HEPH: variants seen among roughly 807,000 people sequenced by gnomAD.
The protein encoded by HEPH is hephaestin.
Under a neutral mutation model 80.8 loss-of-function variants are expected in HEPH, and 69 were observed. The ratio of observed to expected loss-of-function variants is 0.85; its 90% CI spans 0.70 to 1.04. HEPH has a LOEUF of 1.04. HEPH is among the 50% of genes least tolerant of loss of function. HEPH has a pLI of 0.00. For synonymous variants in HEPH, 431 were observed against 322.8 expected, an observed-to-expected ratio of 1.34 and a Z score of -3.60; for missense variants, 1,115 against 891.3, an observed-to-expected ratio of 1.25 and a Z score of -3.20.
chrX:66,198,819 T>C lies in HEPH; in HGVS notation c.1714-59T>C, dbSNP rs770085082. On this transcript the variant is annotated intron_variant, in intron 10 of 20. Transcript: ENST00000343002. ...CATCCCTTGATCTGTAACGACACAG[T>C]CTACAACTGCTGAAACTATTGTCAT... is the stretch of plus-strand genomic sequence containing the variant. 3.5e-5 allele frequency: 33 copies of C among 933,205 alleles called. No individual in the cohort carries two copies. In the African/African-American group the frequency reaches 5.0e-4, roughly 14 times the overall value. 76.9% of individuals were successfully genotyped at this position (933,205 alleles called of 1,213,427 possible). A position where few individuals can be genotyped will look rare whatever the true frequency, so the allele number is the denominator to read the frequency against.
rs982355234 is a variant in HEPH at position 66,175,000 on chromosome X, G to A, written c.625+1199G>A. On this transcript the variant is annotated intron_variant, in intron 4 of 20. Coordinates refer to ENST00000343002, the MANE Select transcript of HEPH (RefSeq NM_001367233.3). ...TACTCTGTTGACTGTTCCTGTTGGC[G>A]TGCAAAAACTCTTTAGTTTAATTAA... Among the ~76,000 whole-genome samples, 12 of 111,373 alleles carry A rather than the reference G, an allele frequency of 1.1e-4. No homozygotes were observed. The East Asian group carries it at 1.4e-3, about 13-fold the overall frequency.
At chrX:66,233,784 C>T (rs1438570770) in intron 15 of HEPH, among the ~76,000 whole-genome samples, 4 of 110,570 alleles carry the variant, frequency 3.6e-5, no homozygotes, top group Non-Finnish European at 5.7e-5. Flanking sequence ...ATCAAGGCAT[C>T]CATCAAATTT....
chrX:66,265,356 G>A (rs145097410), intron 20 of HEPH, among the ~76,000 whole-genome samples: 1 of 110,668 alleles, frequency 9.0e-6, no homozygotes, highest in East Asian at 2.8e-4. Flanking sequence ...AAAAGGGCAA[G>A]CAATAATAAC....
chrX:66,251,723 G>A (rs1034210115), intron 15 of HEPH, among the ~76,000 whole-genome samples: 12 of 111,733 alleles, frequency 1.1e-4, no homozygotes, highest in African/African-American at 3.9e-4. Context: ...AACTGCAAGT[G>A]TAAATACCTT....
At chrX:66,202,702 G>A (rs2088526089) in intron 12 of HEPH, among the ~76,000 whole-genome samples, 2 of 109,658 alleles carry the variant, frequency 1.8e-5, no homozygotes, top group South Asian at 3.9e-4. Flanking sequence ...ACTCATCAAT[G>A]TTTTTCTTGG....
chrX:66,189,815 A>C lies in HEPH; in HGVS notation c.940A>C (p.Thr314Pro). 1 of 1,211,122 alleles carries C rather than the reference A, an allele frequency of 8.3e-7. No homozygotes were observed. The highest frequency in any genetic ancestry group is 1.1e-6 in the Non-Finnish European group (1 of 895,306). The change falls in exon 6 of 21, where the codon ACT becomes CCT. Residue 314 changes from threonine to proline, a missense_variant. Thr to Pro is a conservative substitution (Grantham distance 38). Transcript: ENST00000343002. ...AGCATTTTTCCATGGACAGATGCTGACTACCCGTGGACACCACACTGATGT... is the reference window on the plus strand; with the variant it reads ...AGCATTTTTCCATGGACAGATGCTGCCTACCCGTGGACACCACACTGATGT... Reference protein sequence around the residue: ...HTAFFHGQMLTTRGHHTDVAN... With the variant: ...HTAFFHGQMLPTRGHHTDVAN...
intron 15 of HEPH, among the ~76,000 whole-genome samples, chrX:66,235,750 T>A (rs2090334447): frequency 8.9e-6 from 1 of 112,256 alleles, no homozygotes; most frequent in Admixed American, 9.5e-5. Context: ...ATCTGTAGTT[T>A]GATAGGAATA....
At chrX:66,264,816 A>T (rs1008579542) in intron 20 of HEPH, among the ~76,000 whole-genome samples, 2 of 105,489 alleles carry the variant, frequency 1.9e-5, no homozygotes, top group African/African-American at 6.8e-5. Flanking sequence ...TTATATATAT[A>T]TATTTTTATA....
chrX:66,254,255 A>T (rs112034729), intron 15 of HEPH, among the ~76,000 whole-genome samples: 3,138 of 111,255 alleles, frequency 0.028, 47 homozygotes, highest in Non-Finnish European at 0.043. Flanking sequence ...TGATAATTGA[A>T]AGGAGAAGAG....
At chrX:66,256,971 AAG>A (rs1014920337) in intron 17 of HEPH, among the ~76,000 whole-genome samples, 2 of 112,117 alleles carry the variant, frequency 1.8e-5, no homozygotes, top group African/African-American at 6.5e-5. Flanking sequence ...AAACAAGAGA[AAG>A]AGGGGAGAGC....
intron 10 of HEPH, 49 bp from the exon 11 acceptor site, chrX:66,198,829 C>T (rs751123568): frequency 1.0e-6 from 1 of 996,830 alleles, no homozygotes; most frequent in South Asian, 2.0e-5. Flanking sequence ...TCTACAACTG[C>T]TGAAACTATT....
chrX:66,231,110 G>C (rs1209071754), intron 15 of HEPH, among the ~76,000 whole-genome samples: 1 of 109,412 alleles, frequency 9.1e-6, no homozygotes, highest in African/African-American at 3.3e-5. Context: ...CATTTCTGAG[G>C]GCTCTGTTCT....
Position 66,200,621 on chromosome X carries a change from TG to T in HEPH, c.1949del (p.Gly650AlafsTer21). 8.3e-7 allele frequency: 1 copy of T among 1,210,805 alleles called. No homozygotes were observed. Among genetic ancestry groups the T allele is most frequent in the Non-Finnish European group, 1.1e-6 (1 of 894,791 alleles). Reference protein sequence around the residue: ...GDTVAWHLLGLGTETDVHGVM... With the variant: ...GDTVAWHLLGXGTETDVHGVM... ...ACAGTGGCCTGGCACCTGCTCGGCC[TG>T]GGCACAGAGACTGATGTGCATGGAG... On this transcript the variant is annotated frameshift_variant, in exon 12 of 21. Transcript: ENST00000343002. LOFTEE classifies it high-confidence loss of function.
chrX:66,166,753 A>C (rs1420575742), intron 1 of HEPH, among the ~76,000 whole-genome samples: 1 of 112,153 alleles, frequency 8.9e-6, no homozygotes, highest in Non-Finnish European at 1.9e-5. Flanking sequence ...CAAAAGTTCT[A>C]GTTCTTTACA....
At chrX:66,171,906 G>T (rs1162875318) in intron 2 of HEPH, among the ~76,000 whole-genome samples, 1 of 111,558 alleles carries the variant, frequency 9.0e-6, no homozygotes, top group Non-Finnish European at 1.9e-5. Flanking sequence ...TAAGTAACTT[G>T]TTCAACATCC....
intron 15 of HEPH, among the ~76,000 whole-genome samples, chrX:66,237,375 A>T (rs770659884): frequency 8.9e-6 from 1 of 111,759 alleles, no homozygotes; most frequent in South Asian, 3.7e-4. Context: ...TTATGCCTTA[A>T]TTTCATTATT....
chrX:66,210,874 T>C (rs768701685), intron 15 of HEPH, among the ~76,000 whole-genome samples: 1 of 111,576 alleles, frequency 9.0e-6, no homozygotes, highest in Non-Finnish European at 1.9e-5. Flanking sequence ...AGAAAATAAA[T>C]GCAGGAAGCA....
chrX:66,173,114 T>C lies in HEPH; in HGVS notation c.413-475T>C, dbSNP rs775299567. ...AGTCAGAAGACTCTGGCTGGGCCAC[T>C]AAATCCCTGTATGATCCTGGACAAG... On this transcript the variant is annotated intron_variant, in intron 3 of 20. Coordinates refer to ENST00000343002, the MANE Select transcript of HEPH (RefSeq NM_001367233.3). 1.8e-3 allele frequency among the ~76,000 whole-genome samples: 202 copies of C among 112,394 alleles called. 1 individual carries two copies. Among genetic ancestry groups the C allele is most frequent in the African/African-American group, 6.3e-3 (194 of 30,962 alleles).
chrX:66,223,494 G>T (rs746032107), intron 15 of HEPH, among the ~76,000 whole-genome samples: 8 of 111,260 alleles, frequency 7.2e-5, no homozygotes, highest in Non-Finnish European at 1.3e-4. Context: ...CTTTGTATAC[G>T]TATTTATTCA....
Sources: gnomAD v4.1 joint callset for allele counts (sites outside exome capture counted in the v4.1 genomes callset) on GRCh38, gnomAD v4.1.1 for gene constraint, MANE v1.5 for transcripts, NCBI Gene and HGNC (gene_info 2026-07-23, HGNC 2026-07-21) for gene names.